ZEB2: variants seen among roughly 807,000 people sequenced by gnomAD.
ZEB2 encodes the protein zinc finger E-box-binding homeobox 2.
Under a neutral mutation model 99.9 loss-of-function variants are expected in ZEB2, and 6 were observed. The ratio of observed to expected loss-of-function variants is 0.06; its 90% CI spans 0.03 to 0.12. ZEB2 has a LOEUF of 0.12. Ranked by LOEUF, ZEB2 falls within the 10% of genes least tolerant of loss-of-function variation. The probability of loss-of-function intolerance (pLI) is 1.00; values close to 1 mark genes in which losing one functional copy is unlikely to be tolerated. For synonymous variants in ZEB2, 517 were observed against 542.5 expected, an observed-to-expected ratio of 0.95 and a Z score of 0.65; for missense variants, 969 against 1,502.8, an observed-to-expected ratio of 0.64 and a Z score of 5.87.
chr2:144,476,191 G>GTTC (rs1210641141), intron 2 of ZEB2, among the ~76,000 whole-genome samples: 2 of 151,286 alleles, frequency 1.3e-5, no homozygotes, highest in Non-Finnish European at 2.9e-5. Flanking sequence ...TAATTTTGTA[G>GTTC]TTCTCATTTG....
intron 9 of ZEB2, among the ~76,000 whole-genome samples, chr2:144,392,972 T>A (rs907468362): frequency 1.3e-5 from 2 of 152,240 alleles, no homozygotes; most frequent in Non-Finnish European, 2.9e-5. Flanking sequence ...TATTTAAAAC[T>A]TAGACTTATC....
In ZEB2 at chr2:144,385,477, C is replaced by T. The variant is rs991062399; in HGVS notation, c.*3974G>A. 1.3e-5 allele frequency: 2 copies of T among 152,082 alleles called. No individual in the cohort carries two copies. The highest frequency in any genetic ancestry group is 2.9e-5 in the Non-Finnish European group (2 of 68,014). 9.4% of individuals were successfully genotyped at this position (152,082 alleles called of 1,614,324 possible). On this transcript the variant is annotated 3_prime_UTR_variant, in exon 10 of 10. Coordinates refer to ENST00000627532, the MANE Select transcript of ZEB2 (RefSeq NM_014795.4). Reference sequence around the variant, plus strand: ...ATTGATGAACATGCAATGTGAGATTCAAATAATTGCATTGAGCATGTTTAT... The same window carrying T: ...ATTGATGAACATGCAATGTGAGATTTAAATAATTGCATTGAGCATGTTTAT...
At chr2:144,414,898 C>T (rs1340048076) in intron 4 of ZEB2, among the ~76,000 whole-genome samples, 1 of 151,934 alleles carries the variant, frequency 6.6e-6, no homozygotes, top group African/African-American at 2.4e-5. Flanking sequence ...ATTATTACAC[C>T]ATACAATGAA....
chr2:144,416,932 C>G (rs930180815), intron 4 of ZEB2, among the ~76,000 whole-genome samples: 2 of 152,168 alleles, frequency 1.3e-5, no homozygotes, highest in African/African-American at 4.8e-5. Context: ...TCAAATAAAA[C>G]GTCTTAATCC....
Position 144,429,956 on chromosome 2 carries a change from C to A in ZEB2, c.144G>T (p.Glu48Asp). ...CCAGAGGGTTGGCAATACCGTCATC[C>A]TCAGCAATATGAAGCTTGTCTTCCT... ...TDEEDKLHIA[E>D]DDGIANPLDQ... The change falls in exon 3 of 10, where the codon GAG (glutamate) becomes GAT (aspartate). Residue 48 changes from glutamate (E) to aspartate (D), a missense_variant. This residue lies in a region of ZEB2 where 173 missense variants were observed against 217.7 expected (regional missense o/e 0.79). Coordinates refer to ENST00000627532, the MANE Select transcript of ZEB2 (RefSeq NM_014795.4). The A allele has an allele frequency of 6.2e-7, 1 of 1,613,902 alleles. No individual in the cohort carries two copies. Among genetic ancestry groups the A allele is most frequent in the Non-Finnish European group, 8.5e-7 (1 of 1,179,916 alleles).
intron 2 of ZEB2, 40 bp downstream of exon 2, chr2:144,517,238 C>T (rs1705169166): frequency 1.9e-6 from 3 of 1,611,908 alleles, no homozygotes; most frequent in East Asian, 2.2e-5. Flanking sequence ...TCTCGAGCCG[C>T]GTAGTGGCCC....
intron 4 of ZEB2, chr2:144,405,335 CCAA>C (rs1302237249): frequency 3.0e-6 from 1 of 329,742 alleles, no homozygotes; most frequent in Non-Finnish European, 5.7e-6. Context: ...TTTTAAAAAG[CCAA>C]CAACTGCATT....
rs946805663 is a variant in ZEB2 at position 144,517,127 on chromosome 2, G to C, written c.73+151C>G. 2.5e-5 allele frequency: 19 copies of C among 763,750 alleles called. No homozygotes were observed. The African/African-American group carries it at 3.0e-4, about 12-fold the overall frequency. 47.3% of individuals were successfully genotyped at this position (763,750 alleles called of 1,614,324 possible). ...CCGGTCCAGCCGCCGCGCGCGCCGG[G>C]CTCCGGCGCCGGCCGCGGAGGGAGG... On this transcript the variant is annotated intron_variant, in intron 2 of 9. Transcript: ENST00000627532.
At chr2:144,429,533 A>G (rs1395469767) in intron 3 of ZEB2, 20 of 589,472 alleles carry the variant, frequency 3.4e-5, no homozygotes, top group Non-Finnish European at 5.6e-5. Context: ...AGTGTGGTTC[A>G]TGTTTGACTT....
chr2:144,502,016 G>A (rs1156898171), intron 2 of ZEB2, among the ~76,000 whole-genome samples: 3 of 152,156 alleles, frequency 2.0e-5, no homozygotes, highest in Non-Finnish European at 4.4e-5. Context: ...AAGTGAACAT[G>A]GAGAAAAACT....
At chr2:144,402,449 G>A (rs1428146413) in intron 6 of ZEB2, among the ~76,000 whole-genome samples, 1 of 152,164 alleles carries the variant, frequency 6.6e-6, no homozygotes, top group African/African-American at 2.4e-5. Flanking sequence ...GCGCCATTGA[G>A]GGACCAGCGC....
In ZEB2 at chr2:144,404,900, G is replaced by A. The variant is rs1703363024; in HGVS notation, c.528C>T (p.Tyr176=). 1 of 1,614,218 alleles carries A rather than the reference G, an allele frequency of 6.2e-7. No individual in the cohort carries two copies. Among genetic ancestry groups the A allele is most frequent in the Non-Finnish European group, 8.5e-7 (1 of 1,180,032 alleles). The change falls in exon 5 of 10, where the codon TAC becomes TAT. Residue 176 remains tyrosine (Y), a synonymous_variant. Transcript: ENST00000627532. The stretch of plus-strand genomic sequence containing the variant: ...GAGACAGCTCCTCAGGGGCTTCTGG[G>A]TAAATAATGGCTGTGTCACTGCGCT... The part of the protein sequence containing the change: ...YLQRSDTAII[Y]PEAPEELSRL...
intron 1 of ZEB2, 105 bp from the exon 2 acceptor site, chr2:144,517,524 C>T (rs1705177733): frequency 2.7e-6 from 2 of 741,398 alleles, no homozygotes; most frequent in Admixed American, 2.0e-5. Flanking sequence ...CACCCATCCG[C>T]GCCCCCCAAC....
At chr2:144,417,069 T>C (rs913623291) in intron 4 of ZEB2, among the ~76,000 whole-genome samples, 5 of 152,350 alleles carry the variant, frequency 3.3e-5, no homozygotes, top group East Asian at 1.9e-4. Context: ...CGGATGAATG[T>C]AGGTCCTTAA....
chr2:144,444,727 T>C (rs1703960748), intron 2 of ZEB2: 1 of 152,228 alleles, frequency 6.6e-6, no homozygotes, highest in Non-Finnish European at 1.5e-5. Context: ...TTTCTTTTTA[T>C]CCAACTTCAC....
intron 2 of ZEB2, among the ~76,000 whole-genome samples, chr2:144,499,598 G>A (rs1299191399): frequency 6.6e-6 from 1 of 152,164 alleles, no homozygotes; most frequent in African/African-American, 2.4e-5. Flanking sequence ...ACAAAGTTAC[G>A]GTTCAAGATT....
intron 2 of ZEB2, chr2:144,494,954 G>GA (rs1038432133): frequency 6.6e-6 from 1 of 152,004 alleles, no homozygotes; most frequent in African/African-American, 2.4e-5. Flanking sequence ...AAAAAGAAAG[G>GA]AAAAAATGCC....
intron 2 of ZEB2, among the ~76,000 whole-genome samples, chr2:144,449,960 A>G (rs993774577): frequency 6.6e-6 from 1 of 152,206 alleles, no homozygotes; most frequent in Non-Finnish European, 1.5e-5. Flanking sequence ...TTTCAGACAT[A>G]CAGCCTTTCT....
rs1401722561 is a variant in ZEB2 at position 144,498,079 on chromosome 2, T to A, written c.73+19199A>T. Among the ~76,000 whole-genome samples the A allele has an allele frequency of 7.5e-4, 71 of 95,104 alleles. 5 individuals are homozygous for A. Among genetic ancestry groups the A allele is most frequent in the African/African-American group, 2.8e-3 (66 of 23,500 alleles). The allele number at this position is 95,104 out of a possible 152,430, so 62.4% of individuals were successfully genotyped here. A position where few individuals can be genotyped will look rare whatever the true frequency, so the allele number is the denominator to read the frequency against. ...ATATAATATATATTAATATTATATA[T>A]TATATAATATATATTAATATTATAT... On this transcript the variant is annotated intron_variant, in intron 2 of 9. Coordinates refer to ENST00000627532, the MANE Select transcript of ZEB2 (RefSeq NM_014795.4).
Sources: gnomAD v4.1 joint callset for allele counts (sites outside exome capture counted in the v4.1 genomes callset) on GRCh38, gnomAD v4.1.1 for gene constraint, gnomAD v4.1.1 regional missense constraint, MANE v1.5 for transcripts, NCBI Gene and HGNC (gene_info 2026-07-23, HGNC 2026-07-21) for gene names.